SHISA6: variants seen among roughly 807,000 people sequenced by gnomAD.
SHISA6 encodes the protein protein shisa-6.
In SHISA6, 22 loss-of-function variants were observed where a neutral mutation model predicts 47.9. The observed-to-expected ratio is 0.46, with a 90% CI of 0.33 to 0.66. SHISA6 has a LOEUF of 0.66. SHISA6 is among the 30% of genes least tolerant of loss of function. SHISA6 has a pLI of 0.02. For missense variants in SHISA6, 680 were observed against 764.6 expected (o/e 0.89, Z 1.30); for synonymous variants, 388 against 337.8 (o/e 1.15, Z -1.63).
rs1334056994 is a variant in SHISA6 at position 11,562,530 on chromosome 17, C to T, written c.*4226C>T. The T allele has an allele frequency of 1.3e-5, 2 of 152,222 alleles. No homozygotes were observed. The highest frequency in any genetic ancestry group is 1.9e-4 in the East Asian group (1 of 5,158). 9.4% of individuals were successfully genotyped at this position (152,222 alleles called of 1,614,324 possible). A position where few individuals can be genotyped will look rare whatever the true frequency, so the allele number is the denominator to read the frequency against. ...TTAATGGCAGATTCAATATGAAGGACATGTCTTCCTGGGCTCTATATTTGA... is the reference window on the plus strand; with the variant it reads ...TTAATGGCAGATTCAATATGAAGGATATGTCTTCCTGGGCTCTATATTTGA... On this transcript the variant is annotated 3_prime_UTR_variant, in exon 6 of 6. Coordinates refer to ENST00000441885, the MANE Select transcript of SHISA6 (RefSeq NM_207386.4).
At chr17:11,327,834 C>T (rs1298854095) in intron 2 of SHISA6, among the ~76,000 whole-genome samples, 1 of 152,012 alleles carries the variant, frequency 6.6e-6, no homozygotes, top group East Asian at 1.9e-4. Context: ...AAACACAAAA[C>T]ACTGAAGGAA....
intron 3 of SHISA6, among the ~76,000 whole-genome samples, chr17:11,489,352 A>G (rs1455406683): frequency 6.6e-6 from 1 of 152,046 alleles, no homozygotes; most frequent in Non-Finnish European, 1.5e-5. Context: ...AATCTAGTCC[A>G]CTGAGCATCT....
At chr17:11,385,259 G>A (rs987851304) in intron 3 of SHISA6, among the ~76,000 whole-genome samples, 10 of 152,154 alleles carry the variant, frequency 6.6e-5, no homozygotes, top group Admixed American at 5.9e-4. Flanking sequence ...GGGGAGAAGG[G>A]TCTTCCAGGT....
intron 3 of SHISA6, among the ~76,000 whole-genome samples, chr17:11,486,836 G>T (rs545198464): frequency 6.6e-6 from 1 of 152,204 alleles, no homozygotes; most frequent in East Asian, 1.9e-4. Flanking sequence ...GAAGGAGCGC[G>T]AAAGAAATAG....
Position 11,244,910 on chromosome 17 carries a change from T to C in SHISA6, c.638+2850T>C, listed in dbSNP as rs59014727. Among the ~76,000 whole-genome samples, 1,009 of 152,252 alleles carry C rather than the reference T, an allele frequency of 6.6e-3. 8 individuals carry two copies. The highest frequency in any genetic ancestry group is 0.023 in the African/African-American group (954 of 41,554). On this transcript the variant is annotated intron_variant, in intron 1 of 5. Coordinates refer to ENST00000441885, the MANE Select transcript of SHISA6 (RefSeq NM_207386.4). ...CAGCCTCATTGGAGAGGGACATTTATGGGAGTGTGAGCAGGGGTGAAGGGA... is the reference window on the plus strand; with the variant it reads ...CAGCCTCATTGGAGAGGGACATTTACGGGAGTGTGAGCAGGGGTGAAGGGA...
At chr17:11,318,558 A>G (rs969552579) in intron 2 of SHISA6, among the ~76,000 whole-genome samples, 12 of 152,194 alleles carry the variant, frequency 7.9e-5, no homozygotes, top group African/African-American at 2.7e-4. Flanking sequence ...TTGCACTGCT[A>G]TAACACCATT....
chr17:11,258,098 A>G (rs538920309), intron 1 of SHISA6, among the ~76,000 whole-genome samples: 1 of 152,350 alleles, frequency 6.6e-6, no homozygotes, highest in South Asian at 2.1e-4. Flanking sequence ...AGAAATAAGA[A>G]CATTAACCAG....
At chr17:11,542,098 G>A (rs1170597186) in intron 3 of SHISA6, among the ~76,000 whole-genome samples, 2 of 152,276 alleles carry the variant, frequency 1.3e-5, no homozygotes, top group Admixed American at 1.3e-4. Flanking sequence ...CTTGCCCAGA[G>A]CTGCTCCACC....
At chr17:11,475,863 A>C (rs774510013) in intron 3 of SHISA6, among the ~76,000 whole-genome samples, 2 of 151,962 alleles carry the variant, frequency 1.3e-5, no homozygotes, top group Non-Finnish European at 2.9e-5. Context: ...GAATTTCTAT[A>C]ATCTCTTCCT....
At chr17:11,550,635 A>G (rs904176009) in intron 3 of SHISA6, among the ~76,000 whole-genome samples, 4 of 152,336 alleles carry the variant, frequency 2.6e-5, no homozygotes, top group Non-Finnish European at 5.9e-5. Context: ...CAACAGTACC[A>G]TGGACAGAAG....
chr17:11,427,715 T>G (rs1039882782), intron 3 of SHISA6, among the ~76,000 whole-genome samples: 8 of 152,036 alleles, frequency 5.3e-5, no homozygotes, highest in African/African-American at 1.9e-4. Context: ...AGGACTTGCT[T>G]CCCGCAAAAG....
chr17:11,360,345 G>A (rs370929003), intron 2 of SHISA6, among the ~76,000 whole-genome samples: 3 of 152,156 alleles, frequency 2.0e-5, no homozygotes, highest in Non-Finnish European at 4.4e-5. Flanking sequence ...GGATCATGAG[G>A]TCAGGAGTTC....
At chr17:11,485,396 T>G (rs1396448802) in intron 3 of SHISA6, among the ~76,000 whole-genome samples, 2 of 152,180 alleles carry the variant, frequency 1.3e-5, no homozygotes, top group African/African-American at 4.8e-5. Flanking sequence ...AAGCTGGGAT[T>G]GCATGCTCAT....
intron 3 of SHISA6, among the ~76,000 whole-genome samples, chr17:11,388,822 A>T (rs1913288429): frequency 9.6e-6 from 1 of 103,774 alleles, no homozygotes; most frequent in African/African-American, 4.2e-5. Flanking sequence ...ATATATATAT[A>T]TATATATATA....
At chr17:11,440,640 A>C (rs1382146125) in intron 3 of SHISA6, among the ~76,000 whole-genome samples, 2 of 147,940 alleles carry the variant, frequency 1.4e-5, no homozygotes, top group African/African-American at 4.9e-5. Context: ...CATCCAATGT[A>C]GATGAGCAAA....
rs142300439 is a variant in SHISA6 at position 11,393,822 on chromosome 17, T to A, written c.895+14313T>A. On this transcript the variant is annotated intron_variant, in intron 3 of 5. Transcript: ENST00000441885. Reference sequence around the variant, plus strand: ...GCATCTTGCTCTGCTGCTGTCCTTCTTGCTCACTGCACTCTAGCCAAAATT... The same window carrying A: ...GCATCTTGCTCTGCTGCTGTCCTTCATGCTCACTGCACTCTAGCCAAAATT... 1.3e-3 allele frequency among the ~76,000 whole-genome samples: 203 copies of A among 152,322 alleles called. 2 individuals carry two copies. Among genetic ancestry groups the A allele is most frequent in the African/African-American group, 4.5e-3 (189 of 41,564 alleles).
chr17:11,429,543 G>T (rs1280543037), intron 3 of SHISA6, among the ~76,000 whole-genome samples: 2 of 151,702 alleles, frequency 1.3e-5, no homozygotes, highest in African/African-American at 4.8e-5. Context: ...CACTTCGGGA[G>T]GCCAAGGCGG....
At chr17:11,358,681 A>T (rs957781801) in intron 2 of SHISA6, among the ~76,000 whole-genome samples, 5 of 84,012 alleles carry the variant, frequency 6.0e-5, no homozygotes, top group African/African-American at 1.7e-4. Flanking sequence ...TTTTTTTTTT[A>T]AAGAATACGT....
chr17:11,242,540 G>A (rs965185918), intron 1 of SHISA6, among the ~76,000 whole-genome samples: 1 of 152,162 alleles, frequency 6.6e-6, no homozygotes, highest in African/African-American at 2.4e-5. Context: ...TTAGGAATTG[G>A]GGTTTTATAG....
Sources: allele counts gnomAD v4.1 joint callset (sites outside exome capture counted in the v4.1 genomes callset), GRCh38; gene constraint gnomAD v4.1.1; transcripts MANE v1.5; gene names NCBI Gene and HGNC (gene_info 2026-07-23, HGNC 2026-07-21).